TRPM6: variants seen among roughly 807,000 people sequenced by gnomAD.
The protein encoded by TRPM6 is channel kinase 2.
A neutral mutation model predicts 247.6 loss-of-function variants in TRPM6; 111 were observed. That is an observed-to-expected ratio of 0.45 (90% CI 0.38 to 0.52). TRPM6 has a LOEUF of 0.52. Ranked by LOEUF, TRPM6 falls within the 20% of genes least tolerant of loss-of-function variation. The probability of loss-of-function intolerance (pLI) is 0.00; values close to 1 mark genes in which losing one functional copy is unlikely to be tolerated. For synonymous variants in TRPM6, 892 were observed against 853.8 expected (o/e 1.04, Z -0.78); for missense variants, 2,126 against 2,421.5 (o/e 0.88, Z 2.56).
intron 27 of TRPM6, among the ~76,000 whole-genome samples, chr9:74,758,842 A>C (rs1317480199): frequency 6.6e-6 from 1 of 152,292 alleles, no homozygotes; most frequent in East Asian, 1.9e-4. Context: ...AAGTAAAACT[A>C]TCTATGTTTG....
At chr9:74,733,150 C>T (rs1207424031) in intron 36 of TRPM6, among the ~76,000 whole-genome samples, 7 of 150,844 alleles carry the variant, frequency 4.6e-5, no homozygotes, top group Non-Finnish European at 1.0e-4. Flanking sequence ...TGCAGTGAGC[C>T]GAGATCACGC....
chr9:74,822,596 G>A (rs1411489489), intron 7 of TRPM6, among the ~76,000 whole-genome samples: 2 of 151,952 alleles, frequency 1.3e-5, no homozygotes, highest in African/African-American at 4.8e-5. Context: ...GAACAAGGTA[G>A]GATGACAACA....
chr9:74,875,237 TC>T (rs994145041), intron 1 of TRPM6: 13 of 455,680 alleles, frequency 2.9e-5, no homozygotes, highest in Admixed American at 1.9e-4. Flanking sequence ...CAGCAACTCT[TC>T]CCTTCCATTA....
intron 17 of TRPM6, among the ~76,000 whole-genome samples, chr9:74,798,137 A>G (rs1828165182): frequency 6.6e-6 from 1 of 152,206 alleles, no homozygotes; most frequent in South Asian, 2.1e-4. Flanking sequence ...CTTGATGAAC[A>G]CTACTTCTTT....
Position 74,752,350 on chromosome 9 carries a change from TG to T in TRPM6, c.4924del (p.His1642IlefsTer4). 6.3e-7 allele frequency: 1 copy of T among 1,584,972 alleles called. No individual in the cohort carries two copies. The highest frequency in any genetic ancestry group is 8.6e-7 in the Non-Finnish European group (1 of 1,158,202). Reference sequence around the variant, plus strand: ...AATTTCTTTAGTTTTCATTTTCTGATGTATGTAAGGTTCTACACCTTGTAAA... The same window carrying T: ...AATTTCTTTAGTTTTCATTTTCTGATTATGTAAGGTTCTACACCTTGTAAA... ...FSHTGVEPYIHQKMKTKEIGQ... is the reference protein window; with the variant it reads ...FSHTGVEPYIXQKMKTKEIGQ... On this transcript the variant is annotated frameshift_variant, in exon 29 of 39. Coordinates refer to ENST00000360774, the MANE Select transcript of TRPM6 (RefSeq NM_017662.5). LOFTEE classifies it high-confidence loss of function.
chr9:74,728,255 C>T lies in TRPM6; in HGVS notation c.5919G>A (p.Arg1973=), dbSNP rs1244743089. 1.2e-6 allele frequency: 2 copies of T among 1,614,038 alleles called. No individual in the cohort carries two copies. Among genetic ancestry groups the T allele is most frequent in the South Asian group, 2.2e-5 (2 of 91,064 alleles). The change falls in exon 38 of 39, where the codon CGG becomes CGA. Residue 1973 remains arginine, a synonymous_variant. Transcript: ENST00000360774. ...GTGGCATACCCGGGAGTTTGAGCTT[C>T]CGGCAGCAGGAGTTACAATGATGTT... is the stretch of plus-strand genomic sequence containing the variant. ...IAKHHCNSCC[R]KLKLPDLKRN...
At chr9:74,739,277 T>C in intron 35 of TRPM6, 90 bp downstream of exon 35, 1 of 1,203,224 alleles carries the variant, frequency 8.3e-7, no homozygotes, top group South Asian at 1.2e-5. Context: ...AATTTCCCCA[T>C]GGATAAGATT....
At chr9:74,866,037 A>G (rs1384645603) in intron 1 of TRPM6, among the ~76,000 whole-genome samples, 1 of 152,236 alleles carries the variant, frequency 6.6e-6, no homozygotes, top group Non-Finnish European at 1.5e-5. Context: ...ATGGTGGCTC[A>G]CGCCTAGAAT....
intron 33 of TRPM6, 36 bp downstream of exon 33, chr9:74,742,525 C>T: frequency 6.3e-7 from 1 of 1,584,004 alleles, no homozygotes; most frequent in Non-Finnish European, 8.7e-7. Flanking sequence ...TGCCTCTGTC[C>T]TGGCATAAAC....
chr9:74,843,683 C>G lies in TRPM6; in HGVS notation c.153-1340G>C, dbSNP rs991574443. ...AAAAAAAATTAGCCGGGCATGGTGG[C>G]AGGCGCCTGTAATCCCAGCTACTTG... On this transcript the variant is annotated intron_variant, in intron 3 of 38. Transcript: ENST00000360774. Among the ~76,000 whole-genome samples the G allele has an allele frequency of 5.9e-5, 9 of 151,832 alleles. No individual in the cohort carries two copies. In the East Asian group the frequency reaches 1.6e-3, roughly 26 times the overall value.
rs183265238 is a variant in TRPM6, at chr9:74,842,103, C to A, written c.330+63G>T. ...TCCAGCCTGGGCAACAAGAGCAAAA[C>A]CCCGTCTCGAAAAAAAAAAAAAAAG... On this transcript the variant is annotated intron_variant, in intron 4 of 38. Transcript: ENST00000360774. 7.2e-4 allele frequency: 1,129 copies of A among 1,575,840 alleles called. 10 individuals carry two copies. The African/African-American group carries it at 0.014, about 19-fold the overall frequency.
In TRPM6 at chr9:74,782,869, G is replaced by A. The variant is rs1343571201; in HGVS notation, c.2920-16C>T. ...TGTTTGCTGTCTGCAAAAGAGCATAGTACAACCAGAATTTTACCACAGATT... is the reference window on the plus strand; with the variant it reads ...TGTTTGCTGTCTGCAAAAGAGCATAATACAACCAGAATTTTACCACAGATT... On this transcript the variant is annotated splice_polypyrimidine_tract_variant and intron_variant, in intron 21 of 38. Transcript: ENST00000360774. 3 of 1,613,274 alleles carry A rather than the reference G, an allele frequency of 1.9e-6. No homozygotes were observed. Among genetic ancestry groups the A allele is most frequent in the African/African-American group, 1.3e-5 (1 of 74,908 alleles).
At position 74,762,429 on chromosome 9, in the gene TRPM6, C is replaced by A. The variant is rs776980777; in HGVS notation, c.4242G>T (p.Leu1414=). The A allele has an allele frequency of 1.9e-6, 3 of 1,614,188 alleles. No individual in the cohort carries two copies. In the South Asian group the frequency reaches 3.3e-5, roughly 18 times the overall value. The change falls in exon 26 of 39, where the codon CTG becomes CTT. Residue 1414 remains leucine, a synonymous_variant. Coordinates refer to ENST00000360774, the MANE Select transcript of TRPM6 (RefSeq NM_017662.5). ...CTTGCTCTGCCTTGTCTTGTCCATC[C>A]AGTAAGTGAGCAATAGGCTCGTGCT... is the stretch of plus-strand genomic sequence containing the variant. ...KEKHEPIAHL[L]DGQDKAEQVL...
intron 36 of TRPM6, among the ~76,000 whole-genome samples, chr9:74,734,784 A>G (rs1278434239): frequency 6.6e-6 from 1 of 152,188 alleles, no homozygotes; most frequent in African/African-American, 2.4e-5. Flanking sequence ...TAAGGAACAG[A>G]ACTCCTTATA....
chr9:74,802,033 A>G lies in TRPM6; in HGVS notation c.1874T>C (p.Met625Thr). 1 of 1,614,204 alleles carries G rather than the reference A, an allele frequency of 6.2e-7. No homozygotes were observed. ...CTCCTCTCCATGCTGCCAGAAGAAC[A>G]TAGCCATCTTCTGCCTTTTCATCAG... is the stretch of plus-strand genomic sequence containing the variant. ...AVLMKRQKMA[M>T]FFWQHGEEAT... is the part of the protein sequence containing the mutation. The change falls in exon 16 of 39, where the codon ATG (methionine) becomes ACG (threonine). Residue 625 changes from methionine (M) to threonine (T), a missense_variant. This residue lies in a region of TRPM6 where 1,082 missense variants were observed against 1,307.9 expected (regional missense o/e 0.83). Transcript: ENST00000360774.
At chr9:74,872,152 T>G (rs1489723693) in intron 1 of TRPM6, among the ~76,000 whole-genome samples, 1 of 151,720 alleles carries the variant, frequency 6.6e-6, no homozygotes, top group Non-Finnish European at 1.5e-5. Context: ...CATGCCTGGC[T>G]GCAACTTTTT....
intron 11 of TRPM6, among the ~76,000 whole-genome samples, chr9:74,813,958 GT>G (rs1363797973): frequency 2.0e-5 from 3 of 152,120 alleles, no homozygotes; most frequent in Non-Finnish European, 4.4e-5. Context: ...TTAGCCAGGT[GT>G]GGTGGCAGGA....
chr9:74,840,123 A>G lies in TRPM6; in HGVS notation c.445T>C (p.Phe149Leu). ...TCTTTAAATTTAGAGGGCATAGTAA[A>G]GTTCTGGATGCCCCCATGGACTGAG... is the stretch of plus-strand genomic sequence containing the variant. ...VISVHGGIQN[F>L]TMPSKFKEIF... is the part of the protein sequence containing the mutation. The change falls in exon 5 of 39, where the codon TTT becomes CTT. Residue 149 changes from phenylalanine to leucine, a missense_variant. By Grantham distance (22) the Phe-to-Leu change is conservative (BLOSUM62 0). Coordinates refer to ENST00000360774, the MANE Select transcript of TRPM6 (RefSeq NM_017662.5). The G allele has an allele frequency of 6.2e-7, 1 of 1,614,076 alleles. No homozygotes were observed. The highest frequency in any genetic ancestry group is 8.5e-7 in the Non-Finnish European group (1 of 1,179,962).
chr9:74,858,155 G>A (rs1439144989), intron 2 of TRPM6, among the ~76,000 whole-genome samples: 6 of 152,188 alleles, frequency 3.9e-5, no homozygotes, highest in African/African-American at 1.4e-4. Context: ...TTGGGAGGCC[G>A]AGGTGGGTGG....
Sources: allele counts gnomAD v4.1 joint callset (sites outside exome capture counted in the v4.1 genomes callset), GRCh38; gene constraint gnomAD v4.1.1; regional missense constraint gnomAD v4.1.1; transcripts MANE v1.5; gene names NCBI Gene and HGNC (gene_info 2026-07-23, HGNC 2026-07-21).